Variants in NTRK3 observed in about 807,000 individuals in gnomAD.
NTRK3 encodes the protein neurotrophic receptor tyrosine kinase 3, also known as NT-3 growth factor receptor.
In NTRK3, 24 loss-of-function variants were observed where a neutral mutation model predicts 91.7. The ratio of observed to expected loss-of-function variants is 0.26; its 90% CI spans 0.19 to 0.37. NTRK3 has a LOEUF of 0.37. NTRK3 is among the 10% of genes least tolerant of loss of function. The probability of loss-of-function intolerance (pLI) is 1.00; values close to 1 mark genes in which losing one functional copy is unlikely to be tolerated. For synonymous variants in NTRK3, 483 were observed against 404.0 expected (o/e 1.20, Z -2.34); for missense variants, 880 against 1,068.9 (o/e 0.82, Z 2.46).
intron 17 of NTRK3, chr15:87,908,390 C>T (rs910569526): frequency 2.3e-5 from 9 of 398,296 alleles, no homozygotes; most frequent in Non-Finnish European, 4.0e-5. Context: ...AAGCAGGCCC[C>T]AGCCCATGGA....
chr15:88,163,166 C>G (rs1043122244), intron 5 of NTRK3, among the ~76,000 whole-genome samples: 3 of 152,148 alleles, frequency 2.0e-5, no homozygotes, highest in Admixed American at 6.5e-5. Flanking sequence ...GAAATTCCCC[C>G]AACACAGCCC....
At position 88,255,109 on chromosome 15, in the gene NTRK3, A is replaced by G. The variant is rs2053879275; in HGVS notation, c.248+797T>C. Among the ~76,000 whole-genome samples the G allele has an allele frequency of 6.6e-6, 1 of 152,136 alleles. No individual in the cohort carries two copies. Among genetic ancestry groups the G allele is most frequent in the Non-Finnish European group, 1.5e-5 (1 of 68,034 alleles). On this transcript the variant is annotated intron_variant, in intron 3 of 18. Coordinates refer to ENST00000394480, the Ensembl canonical transcript of NTRK3. The surrounding 1 kb of genome is among the most constrained non-coding windows in gnomAD (Gnocchi z 4.3). The stretch of plus-strand genomic sequence containing the variant: ...AATGAACCGATCCGCACGATCACAC[A>G]AGAAACCCCTCTCCTCAAAACACAC...
intron 13 of NTRK3, among the ~76,000 whole-genome samples, chr15:88,046,740 AG>A (rs1433936016): frequency 6.6e-6 from 1 of 152,114 alleles, no homozygotes; most frequent in African/African-American, 2.4e-5. Context: ...CAGCCGGGCA[AG>A]GGCCCCAGCA....
chr15:88,116,540 A>G (rs1223169887), intron 13 of NTRK3, among the ~76,000 whole-genome samples: 1 of 152,218 alleles, frequency 6.6e-6, no homozygotes, highest in Non-Finnish European at 1.5e-5. Flanking sequence ...CACTCAGGAA[A>G]AAACAAAAAG....
chr15:87,914,292 G>C (rs114357167), intron 17 of NTRK3, among the ~76,000 whole-genome samples: 543 of 152,232 alleles, frequency 3.6e-3, no homozygotes, highest in African/African-American at 0.013. Context: ...TTTAATTATT[G>C]TGAGACCTTC....
chr15:88,040,355 C>A (rs954739548), intron 13 of NTRK3, among the ~76,000 whole-genome samples: 1 of 152,202 alleles, frequency 6.6e-6, no homozygotes, highest in African/African-American at 2.4e-5. Flanking sequence ...ACCATGAGGA[C>A]CTGTGGGTAC....
chr15:87,895,135 G>A (rs1253180845), intron 17 of NTRK3, among the ~76,000 whole-genome samples: 1 of 152,192 alleles, frequency 6.6e-6, no homozygotes, highest in Non-Finnish European at 1.5e-5. Context: ...AGGGTTGGAA[G>A]TTACCCAGCC....
Position 88,234,936 on chromosome 15 carries a change from G to T in NTRK3, c.248+20970C>A, listed in dbSNP as rs1343821571. The stretch of plus-strand genomic sequence containing the variant: ...ACACACTTCCAGCCCCTTCCAACCT[G>T]AGAGGCGTTGCACTGGCTACGCCCT... On this transcript the variant is annotated intron_variant, in intron 3 of 18. Transcript: ENST00000394480. This position sits in a 1 kb window ranked among gnomAD's most constrained non-coding sequence, Gnocchi z 6.1. Among the ~76,000 whole-genome samples, 1 of 152,054 alleles carries T rather than the reference G, an allele frequency of 6.6e-6. No individual in the cohort carries two copies. The highest frequency in any genetic ancestry group is 6.5e-5 in the Admixed American group (1 of 15,280).
exon 19 of NTRK3, chr15:87,874,425 C>T (rs1172037040): frequency 8.7e-6 from 2 of 230,484 alleles, no homozygotes; most frequent in African/African-American, 4.4e-5. Context: ...TTCTTGTTCC[C>T]CCAAGGAATC....
At chr15:88,004,175 C>T (rs1228746169) in intron 14 of NTRK3, among the ~76,000 whole-genome samples, 1 of 152,158 alleles carries the variant, frequency 6.6e-6, no homozygotes, top group Non-Finnish European at 1.5e-5. Flanking sequence ...TCCAGTATCA[C>T]TCCTTCACTA....
intron 17 of NTRK3, among the ~76,000 whole-genome samples, chr15:87,894,561 C>T (rs973791737): frequency 1.3e-5 from 2 of 152,064 alleles, no homozygotes; most frequent in Non-Finnish European, 2.9e-5. Context: ...AATAAATGGC[C>T]TAAATGGAGG....
chr15:88,165,698 G>C lies in NTRK3; in HGVS notation c.395+17720C>G, dbSNP rs60347658. 1.1e-4 allele frequency among the ~76,000 whole-genome samples: 16 copies of C among 152,206 alleles called. 1 individual carries two copies. The East Asian group carries it at 2.5e-3, about 24-fold the overall frequency. On this transcript the variant is annotated intron_variant, in intron 5 of 18. Transcript: ENST00000394480. ...ATGGTCTGTATTATTATAATGATTT[G>C]CTCTCATTGACAGATAAGCAATTCA...
chr15:87,884,414 A>G (rs1267923303), intron 17 of NTRK3, among the ~76,000 whole-genome samples: 1 of 151,760 alleles, frequency 6.6e-6, no homozygotes, highest in Non-Finnish European at 1.5e-5. Context: ...TGTCTTATTT[A>G]TACTTTTTCA....
At chr15:87,973,819 C>T (rs1017068469) in intron 14 of NTRK3, among the ~76,000 whole-genome samples, 2 of 152,130 alleles carry the variant, frequency 1.3e-5, no homozygotes, top group South Asian at 2.1e-4. Context: ...CAGCCAGCAT[C>T]GCCCCTCTCC....
chr15:87,911,445 T>G (rs192833395), intron 17 of NTRK3, among the ~76,000 whole-genome samples: 22 of 152,346 alleles, frequency 1.4e-4, no homozygotes, highest in Non-Finnish European at 2.2e-4. Context: ...ATCTGTATAA[T>G]GTGGTTCTAA....
chr15:88,089,213 C>T (rs1225121251), intron 13 of NTRK3, among the ~76,000 whole-genome samples: 2 of 152,182 alleles, frequency 1.3e-5, no homozygotes, highest in African/African-American at 4.8e-5. Context: ...CCTGCCCTAC[C>T]ACTTCCTGGC....
chr15:88,046,324 T>A (rs2080193063), intron 13 of NTRK3, among the ~76,000 whole-genome samples: 1 of 152,104 alleles, frequency 6.6e-6, no homozygotes, highest in South Asian at 2.1e-4. Context: ...GCTCACCAAA[T>A]ACCTTCTCCT....
chr15:88,122,892 T>C lies in NTRK3; in HGVS notation c.1396+3379A>G, dbSNP rs181409047. On this transcript the variant is annotated intron_variant, in intron 13 of 18. Coordinates refer to ENST00000394480, the Ensembl canonical transcript of NTRK3. ...CATTTCTAAATTCAACAAGCAATTG[T>C]CAAATGTTGCGTGGTGTTTTCAGGC... Among the ~76,000 whole-genome samples, 3 of 152,348 alleles carry C rather than the reference T, an allele frequency of 2.0e-5. No homozygotes were observed. The East Asian group carries it at 5.8e-4, about 29-fold the overall frequency.
At chr15:88,023,485 T>A (rs2077758793) in intron 14 of NTRK3, among the ~76,000 whole-genome samples, 1 of 152,196 alleles carries the variant, frequency 6.6e-6, no homozygotes, top group African/African-American at 2.4e-5. Context: ...AAGCAGGGCC[T>A]GGAGATACTG....
Sources: gnomAD v4.1 joint callset for allele counts (sites outside exome capture counted in the v4.1 genomes callset) on GRCh38, gnomAD v4.1.1 for gene constraint, Gnocchi (gnomAD v3.1) non-coding constraint, MANE v1.5 for transcripts, NCBI Gene and HGNC (gene_info 2026-07-23, HGNC 2026-07-21) for gene names.